Variants in ADAMTS17 observed in about 807,000 individuals in gnomAD.
ADAMTS17 encodes ADAM metallopeptidase with thrombospondin type 1 motif 17, also known as A disintegrin and metalloproteinase with thrombospondin motifs 17.
Under a neutral mutation model 141.5 loss-of-function variants are expected in ADAMTS17, and 113 were observed. The ratio of observed to expected loss-of-function variants is 0.80; its 90% CI spans 0.69 to 0.93. ADAMTS17 has a LOEUF of 0.93. ADAMTS17 is among the 40% of genes least tolerant of loss of function. The pLI is 0.00. For synonymous variants in ADAMTS17, 768 were observed against 630.6 expected, an observed-to-expected ratio of 1.22 and a Z score of -3.27; for missense variants, 1,659 against 1,517.9, an observed-to-expected ratio of 1.09 and a Z score of -1.54.
chr15:100,018,379 C>T (rs185648738), intron 18 of ADAMTS17, among the ~76,000 whole-genome samples: 6 of 152,292 alleles, frequency 3.9e-5, no homozygotes, highest in South Asian at 4.2e-4. Context: ...TGGCTCTGGG[C>T]CCTCACCCAA....
rs561585225 is a variant in ADAMTS17, at chr15:100,270,180, C to T, written c.790-7745G>A. Among the ~76,000 whole-genome samples, 125 of 133,656 alleles carry T rather than the reference C, an allele frequency of 9.4e-4. 2 individuals carry two copies. The highest frequency in any genetic ancestry group is 3.1e-3 in the African/African-American group (122 of 39,204). The allele number at this position is 133,656 out of a possible 152,430, so 87.7% of individuals were successfully genotyped here. A position where few individuals can be genotyped will look rare whatever the true frequency, so the allele number is the denominator to read the frequency against. On this transcript the variant is annotated intron_variant, in intron 4 of 21. Transcript: ENST00000268070. ...AGCCATTTCTTCTGTGGCTCTGGAG[C>T]CATTTCTTCTGTGACTCTGGAGCCA...
intron 20 of ADAMTS17, among the ~76,000 whole-genome samples, chr15:99,992,095 T>A (rs1460023653): frequency 2.0e-5 from 3 of 152,022 alleles, no homozygotes; most frequent in Non-Finnish European, 2.9e-5. Flanking sequence ...ACCTAGATGA[T>A]GGGTTGATGG....
chr15:99,989,063 C>G (rs1045286074), intron 20 of ADAMTS17, among the ~76,000 whole-genome samples: 1 of 152,220 alleles, frequency 6.6e-6, no homozygotes, highest in African/African-American at 2.4e-5. Flanking sequence ...CGCCCCTTAG[C>G]TCTCCTACCC....
chr15:100,081,271 G>A (rs1450334669), intron 15 of ADAMTS17, among the ~76,000 whole-genome samples: 1 of 152,170 alleles, frequency 6.6e-6, no homozygotes, highest in Non-Finnish European at 1.5e-5. Context: ...GACTGGGACT[G>A]GCTCTCCTTG....
At chr15:100,106,645 G>A (rs916794659) in intron 14 of ADAMTS17, among the ~76,000 whole-genome samples, 11 of 152,182 alleles carry the variant, frequency 7.2e-5, no homozygotes, top group African/African-American at 2.4e-4. Flanking sequence ...TGGCAAGAAC[G>A]CTGCAGAAGA....
chr15:99,976,284 T>C, intron 20 of ADAMTS17, 62 bp from the exon 21 acceptor site: 1 of 1,524,644 alleles, frequency 6.6e-7, no homozygotes, highest in East Asian at 2.5e-5. Flanking sequence ...GATGATGGCC[T>C]CACAATGTGG....
chr15:99,987,648 G>A lies in ADAMTS17; in HGVS notation c.2949+5400C>T, dbSNP rs151108272. On this transcript the variant is annotated intron_variant, in intron 20 of 21. Transcript: ENST00000268070. ...CAGTCCGAATCAGACAAAAACGCTC[G>A]GGAAGCCTCATCCCATGGAATCTAA... Among the ~76,000 whole-genome samples the A allele has an allele frequency of 1.1e-3, 164 of 152,278 alleles. 1 individual carries two copies. Among genetic ancestry groups the A allele is most frequent in the African/African-American group, 3.5e-3 (147 of 41,538 alleles).
At chr15:99,989,251 T>TAC in intron 20 of ADAMTS17, among the ~76,000 whole-genome samples, 1 of 151,998 alleles carries the variant, frequency 6.6e-6, no homozygotes, top group Non-Finnish European at 1.5e-5. Context: ...CGCACAGGGG[T>TAC]ACCCCACAAA....
intron 7 of ADAMTS17, among the ~76,000 whole-genome samples, chr15:100,238,983 CGGGAGACTGAGAT>C (rs1056389128): frequency 3.3e-5 from 5 of 152,122 alleles, no homozygotes; most frequent in African/African-American, 1.2e-4. Flanking sequence ...CCCAGGTACT[CGGGAGACTGAGAT>C]GGGAGAATCA....
chr15:100,106,727 C>A lies in ADAMTS17; in HGVS notation c.2016+2262G>T, dbSNP rs559915176. On this transcript the variant is annotated intron_variant, in intron 14 of 21. Coordinates refer to ENST00000268070, the MANE Select transcript of ADAMTS17 (RefSeq NM_139057.4). ...TGTAAGAACTCTAACTTGGGAGGAA[C>A]GTTAAGTCGTTGGGCAGGATGGTCT... Among the ~76,000 whole-genome samples the A allele has an allele frequency of 3.3e-5, 5 of 152,278 alleles. No individual in the cohort carries two copies. In the East Asian group the frequency reaches 9.7e-4, roughly 29 times the overall value.
intron 14 of ADAMTS17, among the ~76,000 whole-genome samples, chr15:100,107,606 G>T (rs904103950): frequency 6.6e-6 from 1 of 152,104 alleles, no homozygotes; most frequent in Non-Finnish European, 1.5e-5. Context: ...TGTTTTGCGA[G>T]GTGACTGGGT....
At chr15:100,046,127 C>T (rs4965561) in intron 18 of ADAMTS17, among the ~76,000 whole-genome samples, 42,175 of 152,050 alleles carry the variant, frequency 0.28, 6,153 homozygotes, top group East Asian at 0.49. Flanking sequence ...GTGATCTGCC[C>T]GCCTTTGCCT....
At chr15:100,091,003 G>A (rs1473337054) in intron 15 of ADAMTS17, among the ~76,000 whole-genome samples, 4 of 86,986 alleles carry the variant, frequency 4.6e-5, no homozygotes, top group Non-Finnish European at 6.0e-5. Context: ...GTGAGACTCC[G>A]TCTCAACAAA....
intron 7 of ADAMTS17, among the ~76,000 whole-genome samples, chr15:100,222,948 G>C (rs1396883181): frequency 6.6e-6 from 1 of 152,200 alleles, no homozygotes; most frequent in East Asian, 1.9e-4. Flanking sequence ...AAATCACAAA[G>C]GGGTGTTTCC....
chr15:100,196,496 T>C (rs368348408), intron 8 of ADAMTS17, among the ~76,000 whole-genome samples: 5 of 152,324 alleles, frequency 3.3e-5, no homozygotes, highest in Admixed American at 1.3e-4. Flanking sequence ...CGACGCACAT[T>C]AGGTAACGAA....
intron 15 of ADAMTS17, among the ~76,000 whole-genome samples, chr15:100,082,713 T>C (rs947059150): frequency 1.3e-5 from 2 of 151,916 alleles, no homozygotes; most frequent in South Asian, 4.1e-4. Flanking sequence ...TAAATCTTTC[T>C]ACAAATAGTT....
intron 3 of ADAMTS17, among the ~76,000 whole-genome samples, chr15:100,325,250 C>T (rs906260866): frequency 6.6e-6 from 1 of 152,136 alleles, no homozygotes; most frequent in Admixed American, 6.6e-5. Flanking sequence ...ACACCCCTGC[C>T]CACCACTCCA....
chr15:100,315,224 A>T (rs1238093300), intron 3 of ADAMTS17, among the ~76,000 whole-genome samples: 2 of 152,182 alleles, frequency 1.3e-5, no homozygotes, highest in Non-Finnish European at 2.9e-5. Context: ...CACTGCAGGG[A>T]TAAGGAGTCC....
chr15:100,155,463 C>T (rs2039390341), intron 8 of ADAMTS17, 143 bp from the exon 9 acceptor site: 13 of 1,153,154 alleles, frequency 1.1e-5, no homozygotes, highest in African/African-American at 1.5e-5. Context: ...CACAGCAGAC[C>T]CACAGTCATG....
Sources: gnomAD v4.1 joint callset for allele counts (sites outside exome capture counted in the v4.1 genomes callset) on GRCh38, gnomAD v4.1.1 for gene constraint, MANE v1.5 for transcripts, NCBI Gene and HGNC (gene_info 2026-07-23, HGNC 2026-07-21) for gene names.